SSU72: variants seen among roughly 807,000 people sequenced by gnomAD.
The protein encoded by SSU72 is RNA polymerase II subunit A C-terminal domain phosphatase SSU72.
SSU72 carries 12 observed loss-of-function variants against 22.7 expected under a neutral mutation model. The observed-to-expected ratio is 0.53, with a 90% CI of 0.34 to 0.86. The LOEUF (loss-of-function observed/expected upper bound fraction) is 0.86. SSU72 is among the 40% of genes least tolerant of loss of function. The pLI is 0.02. For synonymous variants in SSU72, 116 were observed against 98.3 expected, an observed-to-expected ratio of 1.18 and a Z score of -1.06; for missense variants, 151 against 249.8, an observed-to-expected ratio of 0.60 and a Z score of 2.67.
At position 1,554,206 on chromosome 1, in the gene SSU72, T is replaced by C. The variant is rs910759238; in HGVS notation, c.225-9204A>G. ...CCCACGAAGCTGAGCACGAGGCGGA[T>C]CCGGACCACTAAGGGGTCCCCACGA... On this transcript the variant is annotated intron_variant, in intron 2 of 4. Coordinates refer to ENST00000291386, the MANE Select transcript of SSU72 (RefSeq NM_014188.3). This position sits in a 1 kb window ranked among gnomAD's most constrained non-coding sequence, Gnocchi z 4.1. Among the ~76,000 whole-genome samples, 35 of 148,640 alleles carry C rather than the reference T, an allele frequency of 2.4e-4. No homozygotes were observed. Among genetic ancestry groups the C allele is most frequent in the Admixed American group, 4.0e-4 (6 of 14,998 alleles).
intron 2 of SSU72, among the ~76,000 whole-genome samples, chr1:1,560,336 G>A (rs1369496512): frequency 2.0e-5 from 3 of 151,888 alleles, no homozygotes; most frequent in African/African-American, 7.3e-5. Context: ...TGTAGAGATA[G>A]AGGCTTGCTA....
chr1:1,570,576 C>A (rs993194161), intron 1 of SSU72, among the ~76,000 whole-genome samples: 3 of 151,446 alleles, frequency 2.0e-5, no homozygotes, highest in Non-Finnish European at 4.4e-5. Context: ...GGACCCCCCC[C>A]ACCCCAAAAT....
At chr1:1,553,356 T>C (rs142642970) in intron 2 of SSU72, among the ~76,000 whole-genome samples, 1 of 152,238 alleles carries the variant, frequency 6.6e-6, no homozygotes, top group East Asian at 1.9e-4. Flanking sequence ...ACAGTAGTTG[T>C]TTTGCCAGGA....
chr1:1,574,592 G>A lies in SSU72; in HGVS notation c.-35C>T. ...CGCAAATCCCGCGGCTCTCCCGCTT[G>A]GGTTCCCACCCTACCGCGGCGCTTC... is the stretch of plus-strand genomic sequence containing the variant. On this transcript the variant is annotated 5_prime_UTR_variant, in exon 1 of 5. Coordinates refer to ENST00000291386, the MANE Select transcript of SSU72 (RefSeq NM_014188.3). 1 of 1,570,840 alleles carries A rather than the reference G, an allele frequency of 6.4e-7. No individual in the cohort carries two copies. Among genetic ancestry groups the A allele is most frequent in the African/African-American group, 1.4e-5 (1 of 71,084 alleles).
chr1:1,574,573 TC>T lies in SSU72; in HGVS notation c.-17del. 6.3e-7 allele frequency: 1 copy of T among 1,579,138 alleles called. No homozygotes were observed. The highest frequency in any genetic ancestry group is 8.6e-7 in the Non-Finnish European group (1 of 1,165,972). The stretch of plus-strand genomic sequence containing the variant: ...ACGACGGCATGGCGGCGGCCGCAAA[TC>T]CCGCGGCTCTCCCGCTTGGGTTCCC... On this transcript the variant is annotated 5_prime_UTR_variant, in exon 1 of 5. Transcript: ENST00000291386.
At chr1:1,569,641 G>T (rs553800200) in intron 1 of SSU72, among the ~76,000 whole-genome samples, 21 of 152,128 alleles carry the variant, frequency 1.4e-4, no homozygotes, top group Non-Finnish European at 1.9e-4. Flanking sequence ...CAGCCAGAAT[G>T]ACAGGCATGT....
rs1022430780 is a variant in SSU72, at chr1:1,572,196, C to T, written c.80+2282G>A. ...TAATCCCAGCACTTTGGGAGGCCCA[C>T]GCAGGCGGATCACGAGGTCAGGAGA... On this transcript the variant is annotated intron_variant, in intron 1 of 4. Coordinates refer to ENST00000291386, the MANE Select transcript of SSU72 (RefSeq NM_014188.3). 8.2e-4 allele frequency among the ~76,000 whole-genome samples: 122 copies of T among 148,000 alleles called. 1 individual carries two copies. Among genetic ancestry groups the T allele is most frequent in the Non-Finnish European group, 1.0e-3 (70 of 66,980 alleles).
chr1:1,571,671 G>C (rs1179236928), intron 1 of SSU72, among the ~76,000 whole-genome samples: 1 of 152,152 alleles, frequency 6.6e-6, no homozygotes, highest in Non-Finnish European at 1.5e-5. Flanking sequence ...GCCAGCAACG[G>C]CCACTGGCCA....
intron 2 of SSU72, among the ~76,000 whole-genome samples, chr1:1,558,155 C>T (rs918225380): frequency 6.1e-5 from 9 of 147,636 alleles, no homozygotes; most frequent in Non-Finnish European, 1.0e-4. Context: ...GAGCCAAGAT[C>T]GTGCCATTGC....
At chr1:1,568,021 C>T (rs546181052) in intron 1 of SSU72, among the ~76,000 whole-genome samples, 3 of 151,974 alleles carry the variant, frequency 2.0e-5, no homozygotes, top group African/African-American at 4.8e-5. Context: ...ACCTGCTGGA[C>T]GTTCCTTTAA....
intron 2 of SSU72, 102 bp downstream of exon 2, chr1:1,564,671 G>A (rs1642637475): frequency 6.2e-7 from 1 of 1,614,052 alleles, no homozygotes; most frequent in East Asian, 2.2e-5. Context: ...GAGCCAGTGT[G>A]TGCACTGCAC....
Position 1,574,586 on chromosome 1 carries a change from C to T in SSU72, c.-29G>A, listed in dbSNP as rs545517535. 2 of 1,575,322 alleles carry T rather than the reference C, an allele frequency of 1.3e-6. No individual in the cohort carries two copies. The highest frequency in any genetic ancestry group is 2.3e-5 in the South Asian group (2 of 86,630). On this transcript the variant is annotated 5_prime_UTR_variant, in exon 1 of 5. Coordinates refer to ENST00000291386, the MANE Select transcript of SSU72 (RefSeq NM_014188.3). The stretch of plus-strand genomic sequence containing the variant: ...GGCGGCCGCAAATCCCGCGGCTCTC[C>T]CGCTTGGGTTCCCACCCTACCGCGG...
chr1:1,542,061 T>C lies in SSU72; in HGVS notation c.*5A>G, dbSNP rs1449210305. 1.1e-5 allele frequency: 17 copies of C among 1,572,244 alleles called. No individual in the cohort carries two copies. The highest frequency in any genetic ancestry group is 1.9e-5 in the Admixed American group (1 of 53,328). ...TCCAGAGGCGGCTCCATGCGGGCGC[T>C]GGGCTCAGTAGAAGCAGACGGTGTG... On this transcript the variant is annotated 3_prime_UTR_variant, in exon 5 of 5. Transcript: ENST00000291386. This position sits in a 1 kb window ranked among gnomAD's most constrained non-coding sequence, Gnocchi z 4.4.
chr1:1,543,588 C>T (rs1195618909), intron 4 of SSU72, among the ~76,000 whole-genome samples: 3 of 152,146 alleles, frequency 2.0e-5, no homozygotes, highest in Non-Finnish European at 4.4e-5. Flanking sequence ...GGCCTCAGGT[C>T]TCGGCCACTC....
intron 2 of SSU72, among the ~76,000 whole-genome samples, chr1:1,546,705 C>A (rs1489744082): frequency 6.6e-6 from 1 of 151,860 alleles, no homozygotes; most frequent in Non-Finnish European, 1.5e-5. Context: ...GGTGGGGCGG[C>A]ACACACCTGT....
rs1642321797 is a variant in SSU72, at chr1:1,541,744, G to A, written c.*322C>T. 8.0e-6 allele frequency: 3 copies of A among 375,288 alleles called. No homozygotes were observed. The highest frequency in any genetic ancestry group is 2.2e-5 in the South Asian group (1 of 45,292). 23.2% of individuals were successfully genotyped at this position (375,288 alleles called of 1,614,324 possible). A position where few individuals can be genotyped will look rare whatever the true frequency, so the allele number is the denominator to read the frequency against. On this transcript the variant is annotated 3_prime_UTR_variant, in exon 5 of 5. Transcript: ENST00000291386. ...GCCGCAGCAGGGCTCTGTACAGTCC[G>A]GCCCGGTGGGGAGGAGGGAGGGAAG...
intron 2 of SSU72, among the ~76,000 whole-genome samples, chr1:1,549,711 A>G (rs891747625): frequency 2.0e-5 from 3 of 151,786 alleles, no homozygotes; most frequent in African/African-American, 7.3e-5. Context: ...GCAGTGGCTC[A>G]CGCCTGTAAT....
At position 1,554,159 on chromosome 1, in the gene SSU72, G is replaced by A. The variant is rs563412830; in HGVS notation, c.225-9157C>T. On this transcript the variant is annotated intron_variant, in intron 2 of 4. Coordinates refer to ENST00000291386, the MANE Select transcript of SSU72 (RefSeq NM_014188.3). This position sits in a 1 kb window ranked among gnomAD's most constrained non-coding sequence, Gnocchi z 4.1. ...CAAAAAGTGAAGCTGAGCACGAGGC[G>A]GATCCGGACCACTAAGGGGTCCCCA... Among the ~76,000 whole-genome samples the A allele has an allele frequency of 3.5e-3, 521 of 150,876 alleles. 5 individuals carry two copies. The highest frequency in any genetic ancestry group is 0.012 in the African/African-American group (500 of 40,508).
At position 1,542,790 on chromosome 1, in the gene SSU72, C is replaced by T. The variant is rs551701892; in HGVS notation, c.484-623G>A. Among the ~76,000 whole-genome samples the T allele has an allele frequency of 2.7e-4, 41 of 152,192 alleles. No individual in the cohort carries two copies. Among genetic ancestry groups the T allele is most frequent in the African/African-American group, 8.2e-4 (34 of 41,528 alleles). On this transcript the variant is annotated intron_variant, in intron 4 of 4. Coordinates refer to ENST00000291386, the MANE Select transcript of SSU72 (RefSeq NM_014188.3). The surrounding 1 kb of genome is among the most constrained non-coding windows in gnomAD (Gnocchi z 4.4). ...AGAAATCGTGCAATAACTTCTGGGA[C>T]GACATTTTCTTATGACCTTTTCTCC...
Sources: gnomAD v4.1 joint callset for allele counts (sites outside exome capture counted in the v4.1 genomes callset) on GRCh38, gnomAD v4.1.1 for gene constraint, Gnocchi (gnomAD v3.1) non-coding constraint, MANE v1.5 for transcripts, NCBI Gene and HGNC (gene_info 2026-07-23, HGNC 2026-07-21) for gene names.